PRSS23: variants seen among roughly 807,000 people sequenced by gnomAD.
PRSS23 encodes serine protease 23.
PRSS23 carries 25 observed loss-of-function variants against 34.7 expected under a neutral mutation model. That is an observed-to-expected ratio of 0.72 (90% CI 0.53 to 1.01). PRSS23 has a LOEUF of 1.01. Ranked by LOEUF, PRSS23 falls within the 50% of genes least tolerant of loss-of-function variation. PRSS23 has a pLI of 0.00. For synonymous variants in PRSS23, 176 were observed against 186.6 expected, an observed-to-expected ratio of 0.94 and a Z score of 0.46; for missense variants, 445 against 475.6, an observed-to-expected ratio of 0.94 and a Z score of 0.60.
chr11:86,935,273 A>G (rs532102295), intron 2 of PRSS23: 2 of 152,384 alleles, frequency 1.3e-5, no homozygotes, highest in South Asian at 4.1e-4. Context: ...CTTATTAAAC[A>G]TCCACTTTGT....
At chr11:86,856,246 T>C (rs1343112529) in intron 2 of PRSS23, among the ~76,000 whole-genome samples, 2 of 152,104 alleles carry the variant, frequency 1.3e-5, no homozygotes, top group African/African-American at 4.8e-5. Flanking sequence ...AGAAATCATA[T>C]TACAATTAAC....
At chr11:86,823,173 A>G (rs954588784) in intron 1 of PRSS23, among the ~76,000 whole-genome samples, 1 of 152,258 alleles carries the variant, frequency 6.6e-6, no homozygotes, top group African/African-American at 2.4e-5. Context: ...GCAGAGGGTA[A>G]TAAGGATGAT....
In PRSS23 at chr11:86,810,334, C is replaced by T. The variant is rs940142858; in HGVS notation, c.*1539C>T. 2 of 166,744 alleles carry T rather than the reference C, an allele frequency of 1.2e-5. No homozygotes were observed. The highest frequency in any genetic ancestry group is 2.9e-5 in the Non-Finnish European group (2 of 68,122). 10.3% of individuals were successfully genotyped at this position (166,744 alleles called of 1,614,324 possible). On this transcript the variant is annotated 3_prime_UTR_variant, in exon 2 of 2. Transcript: ENST00000280258. The stretch of plus-strand genomic sequence containing the variant: ...TTCAGATGGAGCACTGTCACTTAGA[C>T]ATTCTCTGGGGGATTTTCTGCTTGT...
intron 2 of PRSS23, among the ~76,000 whole-genome samples, chr11:86,839,205 A>G (rs1948429500): frequency 6.6e-6 from 1 of 152,242 alleles, no homozygotes; most frequent in East Asian, 1.9e-4. Flanking sequence ...TCTGAGCTAA[A>G]GGAGCATGTT....
chr11:86,929,177 C>T (rs1949105819), intron 2 of PRSS23, among the ~76,000 whole-genome samples: 1 of 151,944 alleles, frequency 6.6e-6, no homozygotes, highest in Admixed American at 6.6e-5. Flanking sequence ...CAAAATTAGC[C>T]GGGCATGGTG....
intron 2 of PRSS23, chr11:86,837,216 ATTATT>A (rs2134898174): frequency 6.6e-6 from 1 of 152,364 alleles, no homozygotes; most frequent in Non-Finnish European, 1.5e-5. Flanking sequence ...ACTCAAATGT[ATTATT>A]TTATTCTAAT....
At chr11:86,834,483 A>G (rs892360278) in intron 2 of PRSS23, among the ~76,000 whole-genome samples, 1 of 151,266 alleles carries the variant, frequency 6.6e-6, no homozygotes, top group African/African-American at 2.4e-5. Context: ...TGGCTTCAAT[A>G]TCTGCTTGGT....
chr11:86,938,446 T>C (rs1302968191), intron 2 of PRSS23, among the ~76,000 whole-genome samples: 1 of 151,998 alleles, frequency 6.6e-6, no homozygotes, highest in Admixed American at 6.6e-5. Context: ...TGAAAGAGCC[T>C]CCTGGCTCAG....
At chr11:86,945,933 G>C (rs917640757) in intron 2 of PRSS23, 1 of 152,568 alleles carries the variant, frequency 6.6e-6, no homozygotes, top group African/African-American at 2.4e-5. Context: ...GAGCTGTGGG[G>C]TGGCATGAGG....
At chr11:86,895,483 T>A (rs1254045461) in intron 2 of PRSS23, among the ~76,000 whole-genome samples, 2 of 139,780 alleles carry the variant, frequency 1.4e-5, no homozygotes, top group African/African-American at 5.3e-5. Context: ...TATCCTTTTT[T>A]TTTTTTTTTT....
chr11:86,832,773 C>G (rs1277066593), intron 2 of PRSS23: 1 of 286,608 alleles, frequency 3.5e-6, no homozygotes, highest in Non-Finnish European at 6.8e-6. Context: ...GATGATGAAA[C>G]ACTCAGCATG....
At chr11:86,879,840 C>A (rs1375715034) in intron 2 of PRSS23, among the ~76,000 whole-genome samples, 1 of 137,110 alleles carries the variant, frequency 7.3e-6, no homozygotes, top group African/African-American at 2.7e-5. Flanking sequence ...CAGCCCCCCG[C>A]CCGGCCAGCC....
At chr11:86,951,068 C>G in intron 2 of PRSS23, 2 of 1,521,606 alleles carry the variant, frequency 1.3e-6, no homozygotes, top group Non-Finnish European at 1.8e-6. Flanking sequence ...CTGCATAAAA[C>G]TTTTAGTAGA....
chr11:86,942,639 C>T (rs983381999), intron 2 of PRSS23, among the ~76,000 whole-genome samples: 3 of 152,092 alleles, frequency 2.0e-5, no homozygotes, highest in African/African-American at 7.2e-5. Flanking sequence ...TATTCTCTTT[C>T]CCTGGGAATT....
At chr11:86,929,001 T>C (rs943029416) in intron 2 of PRSS23, among the ~76,000 whole-genome samples, 2 of 151,964 alleles carry the variant, frequency 1.3e-5, no homozygotes, top group Non-Finnish European at 2.9e-5. Context: ...TACAATCCCA[T>C]GGAAAGCAAT....
intron 2 of PRSS23, among the ~76,000 whole-genome samples, chr11:86,892,929 A>T (rs140940042): frequency 1.1e-4 from 16 of 152,250 alleles, no homozygotes; most frequent in African/African-American, 3.6e-4. Context: ...GTCCCCCAAA[A>T]TTTATGTCTA....
At chr11:86,796,793 T>C (rs2135589841), upstream of PRSS23, among the ~76,000 whole-genome samples, 1 of 152,336 alleles carries the variant, frequency 6.6e-6, no homozygotes, top group South Asian at 2.1e-4. Context: ...ACAGTGGATA[T>C]TTTTCTTCTT....
At chr11:86,951,370 C>T in exon 3 of PRSS23, 1 of 1,613,970 alleles carries the variant, frequency 6.2e-7, no homozygotes, top group Non-Finnish European at 8.5e-7. Flanking sequence ...GAAAAAGTGC[C>T]CAGTTGGAGA....
At chr11:86,944,616 G>T (rs1949228490) in intron 2 of PRSS23, among the ~76,000 whole-genome samples, 2 of 152,116 alleles carry the variant, frequency 1.3e-5, no homozygotes, top group African/African-American at 4.8e-5. Context: ...AATGCCAGGA[G>T]AATAAAATGA....
Sources: allele counts gnomAD v4.1 joint callset (sites outside exome capture counted in the v4.1 genomes callset), GRCh38; gene constraint gnomAD v4.1.1; transcripts MANE v1.5; gene names NCBI Gene and HGNC (gene_info 2026-07-23, HGNC 2026-07-21).